The following SULF2 variants were observed in gnomAD, a reference collection of about 807,000 sequenced individuals.
The protein encoded by SULF2 is sulfatase 2.
A neutral mutation model predicts 107.7 loss-of-function variants in SULF2; 52 were observed. That is an observed-to-expected ratio of 0.48 (90% CI 0.39 to 0.61). SULF2 has a LOEUF of 0.61. Ranked by LOEUF, SULF2 falls within the 20% of genes least tolerant of loss-of-function variation. SULF2 has a pLI of 0.00. For synonymous variants in SULF2, 460 were observed against 464.3 expected (o/e 0.99, Z 0.12); for missense variants, 993 against 1,177.3 (o/e 0.84, Z 2.29).
In SULF2 at chr20:47,676,521, G is replaced by A. The variant is rs367843249; in HGVS notation, c.1353C>T (p.Tyr451=). 6 of 1,605,160 alleles carry A rather than the reference G, an allele frequency of 3.7e-6. No homozygotes were observed. The South Asian group carries it at 5.6e-5, about 15-fold the overall frequency. ...RVKDLCQRAE[Y]QTACEQLGQK... is the part of the protein sequence containing the mutation. ...GTCCCAGCTGCTCACACGCCGTCTG[G>A]TACTCAGCACGCTGACACAGGTCCT... The change falls in exon 10 of 21, where the codon TAC becomes TAT. Residue 451 remains tyrosine (Y), a synonymous_variant. Coordinates refer to ENST00000688720, the MANE Select transcript of SULF2 (RefSeq NM_001387048.1).
chr20:47,716,859 A>T (rs1469064288), intron 3 of SULF2, among the ~76,000 whole-genome samples: 1 of 152,024 alleles, frequency 6.6e-6, no homozygotes, highest in Non-Finnish European at 1.5e-5. Flanking sequence ...ATATATATAA[A>T]TATAGCCAGT....
rs2087774889 is a variant in SULF2, at chr20:47,680,109, C to A, written c.1065-1305G>T. 6.6e-6 allele frequency among the ~76,000 whole-genome samples: 1 copy of A among 152,110 alleles called. No individual in the cohort carries two copies. The highest frequency in any genetic ancestry group is 6.5e-5 in the Admixed American group (1 of 15,270). On this transcript the variant is annotated intron_variant, in intron 7 of 20. Coordinates refer to ENST00000688720, the MANE Select transcript of SULF2 (RefSeq NM_001387048.1). The surrounding 1 kb of genome is among the most constrained non-coding windows in gnomAD (Gnocchi z 4.2). ...CATACATCTGCCACCTTTCCTGGCTCCTGTTTCTTTTTTTGAGAGGTGTCT... is the reference window on the plus strand; with the variant it reads ...CATACATCTGCCACCTTTCCTGGCTACTGTTTCTTTTTTTGAGAGGTGTCT...
chr20:47,771,419 C>T (rs1315048411), intron 1 of SULF2, among the ~76,000 whole-genome samples: 2 of 152,172 alleles, frequency 1.3e-5, no homozygotes, highest in Non-Finnish European at 2.9e-5. Flanking sequence ...TTGATTTCTT[C>T]CCATTTTTTA....
chr20:47,730,422 A>G (rs1265462126), intron 3 of SULF2, among the ~76,000 whole-genome samples: 2 of 152,232 alleles, frequency 1.3e-5, no homozygotes, highest in Non-Finnish European at 2.9e-5. Flanking sequence ...CTAGTTCACC[A>G]GAAAGAGCTG....
Position 47,690,275 on chromosome 20 carries a change from G to A in SULF2, c.588C>T (p.Ile196=). ...DYSKDYLTDL[I]TNDSVSFFRT... ...GGAAGAAGCTCACGCTGTCATTGGT[G>A]ATGAGGTCTGTGAGGTAATCCTGGG... Residue 196 remains isoleucine, a synonymous_variant, in exon 5 of 21, where the codon ATC becomes ATT. Coordinates refer to ENST00000688720, the MANE Select transcript of SULF2 (RefSeq NM_001387048.1). The A allele has an allele frequency of 6.5e-7, 1 of 1,533,010 alleles. No individual in the cohort carries two copies. Among genetic ancestry groups the A allele is most frequent in the South Asian group, 1.3e-5 (1 of 78,978 alleles). The allele number at this position is 1,533,010 out of a possible 1,614,324, so 95.0% of individuals were successfully genotyped here. A position where few individuals can be genotyped will look rare whatever the true frequency, so the allele number is the denominator to read the frequency against.
chr20:47,713,112 G>T (rs2088990018), intron 3 of SULF2, among the ~76,000 whole-genome samples: 1 of 152,292 alleles, frequency 6.6e-6, no homozygotes, highest in South Asian at 2.1e-4. Flanking sequence ...AGTGCTACAT[G>T]CTGAAAAAAA....
chr20:47,735,574 G>A (rs2089709141), intron 3 of SULF2, among the ~76,000 whole-genome samples: 1 of 152,178 alleles, frequency 6.6e-6, no homozygotes, highest in Non-Finnish European at 1.5e-5. Flanking sequence ...GGTAACTTCT[G>A]ACACATGTGG....
At chr20:47,762,026 G>A (rs750114250) in intron 1 of SULF2, among the ~76,000 whole-genome samples, 6 of 152,148 alleles carry the variant, frequency 3.9e-5, no homozygotes, top group Admixed American at 6.6e-5. Flanking sequence ...CACATAAGAC[G>A]TGCCTTTCAC....
At chr20:47,742,394 C>T (rs1279594746) in intron 2 of SULF2, among the ~76,000 whole-genome samples, 1 of 152,190 alleles carries the variant, frequency 6.6e-6, no homozygotes, top group Admixed American at 6.5e-5. Flanking sequence ...CAAAAACAGA[C>T]CCGGTTTCTT....
At chr20:47,737,755 G>GTTTTTTTTT (rs11484375) in intron 2 of SULF2, among the ~76,000 whole-genome samples, 9 of 61,834 alleles carry the variant, frequency 1.5e-4, no homozygotes, top group African/African-American at 2.5e-4. Flanking sequence ...TCTTTTCTTT[G>GTTTTTTTTT]TTTTTTTTTT....
chr20:47,704,852 G>A (rs1342633421), intron 3 of SULF2, among the ~76,000 whole-genome samples: 1 of 152,222 alleles, frequency 6.6e-6, no homozygotes, highest in East Asian at 1.9e-4. Flanking sequence ...GGCCAGGGAG[G>A]TGAACCCCCA....
At chr20:47,674,828 G>A (rs1171064356) in intron 10 of SULF2, among the ~76,000 whole-genome samples, 3 of 152,156 alleles carry the variant, frequency 2.0e-5, no homozygotes, top group Non-Finnish European at 4.4e-5. Context: ...CACAAGCAGG[G>A]ACATGGCAAC....
At chr20:47,773,315 A>C (rs1305525757) in intron 1 of SULF2, among the ~76,000 whole-genome samples, 1 of 152,256 alleles carries the variant, frequency 6.6e-6, no homozygotes, top group Non-Finnish European at 1.5e-5. Context: ...GATGGACAGT[A>C]AATTGGGAAA....
At chr20:47,721,727 C>T (rs1240006456) in intron 3 of SULF2, among the ~76,000 whole-genome samples, 1 of 152,194 alleles carries the variant, frequency 6.6e-6, no homozygotes, top group Non-Finnish European at 1.5e-5. Context: ...AATCCATTCT[C>T]CTGTCTTTTC....
At chr20:47,662,008 G>A (rs1267151366) in intron 17 of SULF2, 112 bp from the exon 18 acceptor site, 14 of 1,183,402 alleles carry the variant, frequency 1.2e-5, no homozygotes, top group Non-Finnish European at 1.6e-5. Context: ...AGGTGCTAGG[G>A]GCTGGTGACC....
chr20:47,719,069 T>C (rs896081640), intron 3 of SULF2, among the ~76,000 whole-genome samples: 1 of 152,246 alleles, frequency 6.6e-6, no homozygotes, highest in Non-Finnish European at 1.5e-5. Flanking sequence ...CCTGGGACTT[T>C]GTCACCAATG....
chr20:47,697,148 T>C (rs918011339), intron 4 of SULF2, among the ~76,000 whole-genome samples: 1 of 152,170 alleles, frequency 6.6e-6, no homozygotes, highest in Admixed American at 6.5e-5. Flanking sequence ...TCTTTTCGGG[T>C]GGACTCAACT....
intron 4 of SULF2, among the ~76,000 whole-genome samples, chr20:47,700,724 C>T (rs1244934512): frequency 6.7e-6 from 1 of 149,386 alleles, no homozygotes; most frequent in African/African-American, 2.5e-5. Flanking sequence ...CGGCTCACTG[C>T]AACCTCTGCC....
In SULF2 at chr20:47,676,631, G is replaced by C; in HGVS notation, c.1251-8C>G. 1 of 1,549,668 alleles carries C rather than the reference G, an allele frequency of 6.5e-7. No homozygotes were observed. The highest frequency in any genetic ancestry group is 8.7e-7 in the Non-Finnish European group (1 of 1,147,236). ...CTCTTGTGTAGCAGCTTGCTATGGG[G>C]CAGAGAGCAGGAGCCGCGGGGCCGG... is the stretch of plus-strand genomic sequence containing the variant. On this transcript the variant is annotated splice_polypyrimidine_tract_variant and splice_region_variant and intron_variant, in intron 9 of 20. Coordinates refer to ENST00000688720, the MANE Select transcript of SULF2 (RefSeq NM_001387048.1).
Sources: allele counts gnomAD v4.1 joint callset (sites outside exome capture counted in the v4.1 genomes callset), GRCh38; gene constraint gnomAD v4.1.1; non-coding constraint Gnocchi (gnomAD v3.1); transcripts MANE v1.5; gene names NCBI Gene and HGNC (gene_info 2026-07-23, HGNC 2026-07-21).